MEN1: variants seen among roughly 807,000 people sequenced by gnomAD.
MEN1 encodes menin.
A neutral mutation model predicts 58.0 loss-of-function variants in MEN1; 6 were observed. The ratio of observed to expected loss-of-function variants is 0.10; its 90% CI spans 0.06 to 0.20. The LOEUF (loss-of-function observed/expected upper bound fraction) is 0.20. Ranked by LOEUF, MEN1 falls within the 10% of genes least tolerant of loss-of-function variation. The probability of loss-of-function intolerance (pLI) is 1.00; values close to 1 mark genes in which losing one functional copy is unlikely to be tolerated. For synonymous variants in MEN1, 346 were observed against 350.7 expected (o/e 0.99, Z 0.15); for missense variants, 492 against 818.5 (o/e 0.60, Z 4.87).
chr11:64,803,819 C>T lies in MEN1; in HGVS notation c.*515G>A. ...AAACTAGGATTTCCAAATTCTGGAG[C>T]AGGACTGAAGTTATTTGGGGCAGGG... On this transcript the variant is annotated 3_prime_UTR_variant, in exon 10 of 10. Transcript: ENST00000450708. The T allele has an allele frequency of 4.1e-6, 1 of 243,526 alleles. No homozygotes were observed. The highest frequency in any genetic ancestry group is 8.1e-6 in the Non-Finnish European group (1 of 123,080). 15.1% of individuals were successfully genotyped at this position (243,526 alleles called of 1,614,324 possible).
chr11:64,805,954 C>T lies in MEN1; in HGVS notation c.1050-184G>A, dbSNP rs918561659. 6.9e-5 allele frequency: 48 copies of T among 691,788 alleles called. No homozygotes were observed. The South Asian group carries it at 7.5e-4, about 11-fold the overall frequency. The allele number at this position is 691,788 out of a possible 1,614,324, so 42.9% of individuals were successfully genotyped here. ...AAGAATGAGGAGGGGGGCATGGGGCCGAGGGTGGAAGTCCCACTGCTGGAT... is the reference window on the plus strand; with the variant it reads ...AAGAATGAGGAGGGGGGCATGGGGCTGAGGGTGGAAGTCCCACTGCTGGAT... On this transcript the variant is annotated intron_variant, in intron 7 of 9. Transcript: ENST00000450708.
Position 64,807,684 on chromosome 11 carries a change from AG to A in MEN1, c.655-5del, listed in dbSNP as rs772016629. 2 of 1,613,738 alleles carry A rather than the reference AG, an allele frequency of 1.2e-6. No homozygotes were observed. The highest frequency in any genetic ancestry group is 2.2e-5 in the East Asian group (1 of 44,876). On this transcript the variant is annotated splice_region_variant and splice_polypyrimidine_tract_variant and intron_variant, in intron 3 of 9. Transcript: ENST00000450708. The surrounding 1 kb of genome is among the most constrained non-coding windows in gnomAD (Gnocchi z 4.9). ...ATCCTTTCAGGTACAGCCAGCTCTT[AG>A]GGGGGGATGAGATCATTATGTCTCA...
Position 64,805,122 on chromosome 11 carries a change from C to T in MEN1, c.1262G>A (p.Cys421Tyr), listed in dbSNP as rs386134249. 6.2e-7 allele frequency: 1 copy of T among 1,614,200 alleles called. No homozygotes were observed. The highest frequency in any genetic ancestry group is 8.5e-7 in the Non-Finnish European group (1 of 1,180,024). Residue 421 changes from cysteine to tyrosine, a missense_variant, in exon 9 of 10, where the codon TGC (cysteine) becomes TAC (tyrosine). By Grantham distance (194) the Cys-to-Tyr change is radical. This residue lies in a region of MEN1 where 9 missense variants were observed against 46.4 expected (regional missense o/e 0.19). Coordinates refer to ENST00000450708, the MANE Select transcript of MEN1 (RefSeq NM_001370259.2). ...CGTGGGACTGCCCTCCTCCCATTTG[C>T]AGATGCCGTCGTAGAATCGCAGCAG... Reference protein sequence around the residue: ...AHLLRFYDGICKWEEGSPTPV... With the variant: ...AHLLRFYDGIYKWEEGSPTPV...
rs767655504 is a variant in MEN1, at chr11:64,804,589, G to A, written c.1578C>T (p.Ala526=). Reference sequence around the variant, plus strand: ...CCGTGCTGCCACCTTCAGGGCCTCGGGCTGTGCCAGCGACAGTCCCAGGAG... The same window carrying A: ...CCGTGCTGCCACCTTCAGGGCCTCGAGCTGTGCCAGCGACAGTCCCAGGAG... ...RKPPGTVAGT[A]RGPEGGSTAQ... is the part of the protein sequence containing the mutation. The change falls in exon 10 of 10, where the codon GCC becomes GCT. Residue 526 remains alanine, a synonymous_variant. Coordinates refer to ENST00000450708, the MANE Select transcript of MEN1 (RefSeq NM_001370259.2). The surrounding 1 kb of genome is among the most constrained non-coding windows in gnomAD (Gnocchi z 4.2). The A allele has an allele frequency of 3.1e-6, 5 of 1,611,878 alleles. No homozygotes were observed. Among genetic ancestry groups the A allele is most frequent in the Non-Finnish European group, 4.2e-6 (5 of 1,179,878 alleles).
chr11:64,809,283 AT>A (rs1458952111), intron 2 of MEN1, among the ~76,000 whole-genome samples: 1 of 150,308 alleles, frequency 6.7e-6, no homozygotes, highest in East Asian at 2.0e-4. Flanking sequence ...AAAAAAAAAA[AT>A]CTTCATAGCC....
rs1389398299 is a variant in MEN1 at position 64,809,781 on chromosome 11, C to G, written c.329G>C (p.Gly110Ala). 1 of 1,614,046 alleles carries G rather than the reference C, an allele frequency of 6.2e-7. No individual in the cohort carries two copies. The change falls in exon 2 of 10, where the codon GGG (glycine) becomes GCG (alanine). Residue 110 changes from glycine (G) to alanine (A), a missense_variant. Gly to Ala is a moderately conservative substitution (Grantham distance 60). Around this residue, in one of 5 missense-constraint regions of MEN1, gnomAD observed 335 missense variants for 550.3 expected, o/e 0.61. Transcript: ENST00000450708. Reference protein sequence around the residue: ...AVDLSLYPREGGVSSRELVKK... With the variant: ...AVDLSLYPREAGVSSRELVKK... ...CACCAGCTCACGGCTGGAGACACCCCCTTCTCGAGGATAGAGGGACAGGTC... is the reference window on the plus strand; with the variant it reads ...CACCAGCTCACGGCTGGAGACACCCGCTTCTCGAGGATAGAGGGACAGGTC...
intron 2 of MEN1, among the ~76,000 whole-genome samples, 160 bp from the exon 3 acceptor site, chr11:64,808,259 G>C (rs760287153): frequency 9.2e-5 from 14 of 152,054 alleles, no homozygotes; most frequent in Non-Finnish European, 2.1e-4. Flanking sequence ...TCCCTCCCAC[G>C]TGTTCAAAGA....
chr11:64,806,921 A>C, intron 6 of MEN1, 90 bp downstream of exon 6: 1 of 1,180,978 alleles, frequency 8.5e-7, no homozygotes, highest in Non-Finnish European at 1.3e-6. Context: ...CCCCCAACAC[A>C]CAAAGTTCTC....
chr11:64,803,628 C>T lies in MEN1; in HGVS notation c.*706G>A. The T allele has an allele frequency of 4.3e-6, 1 of 234,694 alleles. No homozygotes were observed. Among genetic ancestry groups the T allele is most frequent in the East Asian group, 6.0e-5 (1 of 16,578 alleles). 14.5% of individuals were successfully genotyped at this position (234,694 alleles called of 1,614,324 possible). ...ACTCCTAACCCTCTGCAGATTTCCT[C>T]CGGGATGCTCCGAGATGGGCTGGAC... On this transcript the variant is annotated 3_prime_UTR_variant, in exon 10 of 10. Transcript: ENST00000450708.
chr11:64,807,989 A>T lies in MEN1; in HGVS notation c.556T>A (p.Phe186Ile), dbSNP rs1431991249. The change falls in exon 3 of 10, where the codon TTT becomes ATT. Residue 186 changes from phenylalanine (F) to isoleucine (I), a missense_variant. Around this residue, in one of 5 missense-constraint regions of MEN1, gnomAD observed 335 missense variants for 550.3 expected, o/e 0.61. Coordinates refer to ENST00000450708, the MANE Select transcript of MEN1 (RefSeq NM_001370259.2). This position sits in a 1 kb window ranked among gnomAD's most constrained non-coding sequence, Gnocchi z 4.9. ...ALSEDHAWVV[F>I]GPNGEQTAEV... ...GCTGTCTGCTCCCCATTGGGCCCAA[A>T]CACTACCCAGGCATGATCCTCAGAC... 1 of 1,614,022 alleles carries T rather than the reference A, an allele frequency of 6.2e-7. No individual in the cohort carries two copies. Among genetic ancestry groups the T allele is most frequent in the Non-Finnish European group, 8.5e-7 (1 of 1,180,028 alleles).
In MEN1 at chr11:64,804,793, C is replaced by G. The variant is rs771297499; in HGVS notation, c.1374G>C (p.Val458=). The G allele has an allele frequency of 3.1e-6, 5 of 1,596,964 alleles. No individual in the cohort carries two copies. The Admixed American group carries it at 8.3e-5, about 27-fold the overall frequency. Residue 458 remains valine (V), a synonymous_variant, in exon 10 of 10, where the codon GTG becomes GTC. Coordinates refer to ENST00000450708, the MANE Select transcript of MEN1 (RefSeq NM_001370259.2). This position sits in a 1 kb window ranked among gnomAD's most constrained non-coding sequence, Gnocchi z 4.2. ...EGQVRQKVRI[V]SREAEAAEAE... is the part of the protein sequence containing the mutation. ...CCTCGGCCGCCTCGGCCTCTCGGCT[C>G]ACTATGCGCACCTTCTGCCGCACCT...
At chr11:64,805,241 A>G in intron 8 of MEN1, 43 bp from the exon 9 acceptor site, 1 of 1,602,842 alleles carries the variant, frequency 6.2e-7, no homozygotes, top group Non-Finnish European at 8.5e-7. Flanking sequence ...TCTCTTACTC[A>G]CCCCTTAGCA....
At chr11:64,806,535 C>G (rs1251992384) in intron 6 of MEN1, among the ~76,000 whole-genome samples, 167 bp from the exon 7 acceptor site, 1 of 152,200 alleles carries the variant, frequency 6.6e-6, no homozygotes, top group Non-Finnish European at 1.5e-5. Flanking sequence ...ACCTGGTCTC[C>G]TCCCTGGGTC....
intron 2 of MEN1, among the ~76,000 whole-genome samples, chr11:64,808,664 G>A (rs566199073): frequency 3.9e-5 from 6 of 152,158 alleles, no homozygotes; most frequent in Non-Finnish European, 8.8e-5. Flanking sequence ...AAACATTTTT[G>A]ACCAGGTGCG....
At position 64,804,769 on chromosome 11, in the gene MEN1, C is replaced by A. The variant is rs990566024; in HGVS notation, c.1398G>T (p.Glu466Asp). The change falls in exon 10 of 10, where the codon GAG (glutamate) becomes GAT (aspartate). Residue 466 changes from glutamate (E) to aspartate (D), a missense_variant. Physicochemically the swap from Glu to Asp is conservative, Grantham distance 45. Coordinates refer to ENST00000450708, the MANE Select transcript of MEN1 (RefSeq NM_001370259.2). This position sits in a 1 kb window ranked among gnomAD's most constrained non-coding sequence, Gnocchi z 4.2. ...CTTCCTCGCCCCACGGCTCCTCGGC[C>A]TCGGCCGCCTCGGCCTCTCGGCTCA... ...RIVSREAEAA[E>D]AEEPWGEEAR... The A allele has an allele frequency of 2.5e-6, 4 of 1,596,874 alleles. No individual in the cohort carries two copies. Among genetic ancestry groups the A allele is most frequent in the Non-Finnish European group, 3.4e-6 (4 of 1,178,876 alleles).
upstream of MEN1, chr11:64,810,939 G>A (rs1289239454): frequency 1.3e-5 from 2 of 152,238 alleles, no homozygotes; most frequent in East Asian, 1.9e-4. Context: ...AAAACAATAT[G>A]AGAAAAACAG....
rs1394633601 is a variant in MEN1, at chr11:64,804,821, G to A, written c.1351-5C>T. ...TATGCGCACCTTCTGCCGCACCTGG[G>A]CCAGTGGGGAGAGCAAGGTGAGAGC... On this transcript the variant is annotated splice_polypyrimidine_tract_variant and splice_region_variant and intron_variant, in intron 9 of 9. Coordinates refer to ENST00000450708, the MANE Select transcript of MEN1 (RefSeq NM_001370259.2). The surrounding 1 kb of genome is among the most constrained non-coding windows in gnomAD (Gnocchi z 4.2). 1.9e-6 allele frequency: 3 copies of A among 1,596,934 alleles called. No individual in the cohort carries two copies. The highest frequency in any genetic ancestry group is 2.5e-6 in the Non-Finnish European group (3 of 1,179,048).
At position 64,809,851 on chromosome 11, in the gene MEN1, C is replaced by T. The variant is rs1440986026; in HGVS notation, c.259G>A (p.Ala87Thr). 6.2e-7 allele frequency: 1 copy of T among 1,609,244 alleles called. No individual in the cohort carries two copies. Among genetic ancestry groups the T allele is most frequent in the Non-Finnish European group, 8.5e-7 (1 of 1,178,630 alleles). ...GCGGTGAAGCGGGCATAGAGGGCGG[C>T]GATGATAGACAGGTCGGCCACGGGA... ...YFPVADLSII[A>T]ALYARFTAQI... The change falls in exon 2 of 10, where the codon GCC becomes ACC. Residue 87 changes from alanine (A) to threonine (T), a missense_variant. Around this residue, in one of 5 missense-constraint regions of MEN1, gnomAD observed 335 missense variants for 550.3 expected, o/e 0.61. Transcript: ENST00000450708.
intron 8 of MEN1, 77 bp from the exon 9 acceptor site, chr11:64,805,275 C>A: frequency 1.3e-6 from 2 of 1,528,280 alleles, no homozygotes; most frequent in Non-Finnish European, 8.9e-7. Flanking sequence ...AGGCCCCCCA[C>A]CTAGGCAAAG....
Sources: gnomAD v4.1 joint callset for allele counts (sites outside exome capture counted in the v4.1 genomes callset) on GRCh38, gnomAD v4.1.1 for gene constraint, gnomAD v4.1.1 regional missense constraint, Gnocchi (gnomAD v3.1) non-coding constraint, MANE v1.5 for transcripts, NCBI Gene and HGNC (gene_info 2026-07-23, HGNC 2026-07-21) for gene names.